The following MEIS1 variants were observed in gnomAD, a reference collection of about 807,000 sequenced individuals.
MEIS1 encodes the protein Meis homeobox 1, also known as homeobox protein Meis1.
MEIS1 carries 5 observed loss-of-function variants against 50.8 expected under a neutral mutation model. The observed-to-expected ratio is 0.10, with a 90% CI of 0.05 to 0.21. The LOEUF (loss-of-function observed/expected upper bound fraction) is 0.21. MEIS1 is among the 10% of genes least tolerant of loss of function. The pLI, the probability that MEIS1 is intolerant of heterozygous loss-of-function variation, is 1.00. For synonymous variants in MEIS1, 176 were observed against 179.3 expected, an observed-to-expected ratio of 0.98 and a Z score of 0.15; for missense variants, 318 against 517.3, an observed-to-expected ratio of 0.61 and a Z score of 3.74.
chr2:66,436,003 GA>G, intron 1 of MEIS1, 135 bp downstream of exon 1: 1 of 682,152 alleles, frequency 1.5e-6, no homozygotes, highest in East Asian at 3.2e-5. Context: ...TGGCCTAAGC[GA>G]GAGGATTTAT....
intron 6 of MEIS1, among the ~76,000 whole-genome samples, chr2:66,444,681 C>G (rs1045576460): frequency 1.3e-5 from 2 of 152,196 alleles, no homozygotes; most frequent in Non-Finnish European, 2.9e-5. Flanking sequence ...CCGGGCCTCA[C>G]GTCTGGTTCA....
chr2:66,440,720 C>G (rs1392854542), intron 4 of MEIS1, 108 bp downstream of exon 4: 3 of 708,412 alleles, frequency 4.2e-6, no homozygotes, highest in African/African-American at 1.8e-5. Flanking sequence ...CCGGTCTTCC[C>G]GTGCCTGCAG....
chr2:66,546,625 T>C (rs1430636378), intron 8 of MEIS1, among the ~76,000 whole-genome samples: 1 of 152,200 alleles, frequency 6.6e-6, no homozygotes, highest in Non-Finnish European at 1.5e-5. Context: ...AGGGATATAA[T>C]GGGGATTAAT....
At chr2:66,508,069 C>T (rs910339132) in intron 7 of MEIS1, among the ~76,000 whole-genome samples, 4 of 152,210 alleles carry the variant, frequency 2.6e-5, no homozygotes, top group African/African-American at 9.7e-5. Flanking sequence ...GCAAATGGCC[C>T]ACGCTGAAAG....
At chr2:66,561,556 A>G (rs998539250) in intron 9 of MEIS1, among the ~76,000 whole-genome samples, 1 of 152,214 alleles carries the variant, frequency 6.6e-6, no homozygotes, top group African/African-American at 2.4e-5. Flanking sequence ...AATTTTTATT[A>G]CTAAGTTTTT....
intron 7 of MEIS1, among the ~76,000 whole-genome samples, chr2:66,489,517 C>T (rs1473864726): frequency 6.6e-6 from 1 of 152,132 alleles, no homozygotes. Context: ...TATAAAACTT[C>T]AATCAACTTG....
chr2:66,538,455 A>G (rs747601762), intron 8 of MEIS1, among the ~76,000 whole-genome samples: 2 of 152,210 alleles, frequency 1.3e-5, no homozygotes. Flanking sequence ...TAGGCACTCT[A>G]CTATTCTGGG....
At chr2:66,530,827 A>G (rs879225987) in intron 8 of MEIS1, among the ~76,000 whole-genome samples, 1 of 152,210 alleles carries the variant, frequency 6.6e-6, no homozygotes, top group South Asian at 2.1e-4. Flanking sequence ...TAAAGGTTTT[A>G]TCTCAGCTTT....
At chr2:66,460,408 GTTC>G (rs1672491346) in intron 6 of MEIS1, among the ~76,000 whole-genome samples, 2 of 152,118 alleles carry the variant, frequency 1.3e-5, no homozygotes, top group South Asian at 4.1e-4. Context: ...ATTTTGAAGT[GTTC>G]TTAAGAAACG....
At chr2:66,461,999 G>A (rs751714471) in intron 6 of MEIS1, 13 of 411,178 alleles carry the variant, frequency 3.2e-5, no homozygotes, top group Non-Finnish European at 5.9e-5. Context: ...AAACAATTAA[G>A]CATTGAATTA....
At chr2:66,482,381 TGTGA>T (rs1276695136) in intron 7 of MEIS1, among the ~76,000 whole-genome samples, 1 of 152,060 alleles carries the variant, frequency 6.6e-6, no homozygotes, top group Non-Finnish European at 1.5e-5. Flanking sequence ...CCTGACAGGG[TGTGA>T]GTGAGAAAAC....
intron 8 of MEIS1, among the ~76,000 whole-genome samples, chr2:66,539,220 C>T (rs1196551622): frequency 1.3e-5 from 2 of 152,096 alleles, no homozygotes; most frequent in African/African-American, 4.8e-5. Context: ...ACTATCATTC[C>T]TGTATAAGCA....
chr2:66,549,750 T>C (rs1674874247), intron 9 of MEIS1, among the ~76,000 whole-genome samples: 1 of 152,118 alleles, frequency 6.6e-6, no homozygotes, highest in Non-Finnish European at 1.5e-5. Flanking sequence ...AGCGCTGTCA[T>C]TCAGGGGATC....
At chr2:66,562,038 A>ATTCTTTTATTTTTTTTT (rs1675225713) in intron 9 of MEIS1, 1 of 61,274 alleles carries the variant, frequency 1.6e-5, no homozygotes, top group Non-Finnish European at 2.8e-5. Flanking sequence ...TGAGCAAGTA[A>ATTCTTTTATTTTTTTTT]TTTTTTTTTT....
At chr2:66,440,648 GACCCCCT>G (rs1671949304) in intron 4 of MEIS1, 36 bp downstream of exon 4, 1 of 1,223,672 alleles carries the variant, frequency 8.2e-7, no homozygotes, top group African/African-American at 3.0e-5. Flanking sequence ...CCCCGCCCCC[GACCCCCT>G]ACCTCCCACC....
chr2:66,488,041 T>C (rs550472113), intron 7 of MEIS1, among the ~76,000 whole-genome samples: 92 of 152,376 alleles, frequency 6.0e-4, no homozygotes, highest in Non-Finnish European at 1.2e-3. Context: ...ACAGATTTGA[T>C]TCTTTTGCAT....
intron 8 of MEIS1, among the ~76,000 whole-genome samples, chr2:66,534,312 G>A (rs1674467229): frequency 6.6e-6 from 1 of 152,266 alleles, no homozygotes; most frequent in East Asian, 1.9e-4. Flanking sequence ...AAGGCGGGCG[G>A]ATCACGAGGT....
At chr2:66,567,386 T>C (rs763220042) in intron 9 of MEIS1, 67 bp from the exon 10 acceptor site, 253 of 1,523,178 alleles carry the variant, frequency 1.7e-4, no homozygotes, top group Non-Finnish European at 1.9e-4. Context: ...GATTCATCTT[T>C]TCCTCTTCCT....
chr2:66,506,442 A>G (rs1673686441), intron 7 of MEIS1, among the ~76,000 whole-genome samples: 1 of 152,192 alleles, frequency 6.6e-6, no homozygotes, highest in South Asian at 2.1e-4. Context: ...GAGAACTTCA[A>G]GTCTGCTCAG....
Sources: allele counts gnomAD v4.1 joint callset (sites outside exome capture counted in the v4.1 genomes callset), GRCh38; gene constraint gnomAD v4.1.1; transcripts MANE v1.5; gene names NCBI Gene and HGNC (gene_info 2026-07-23, HGNC 2026-07-21).